NYAP2: variants seen among roughly 807,000 people sequenced by gnomAD.
NYAP2 encodes neuronal tyrosine-phosphorylated phosphoinositide-3-kinase adaptor 2, also known as neuronal tyrosine-phosphorylated phosphoinositide-3-kinase adapter 2.
A neutral mutation model predicts 50.4 loss-of-function variants in NYAP2; 23 were observed. The observed-to-expected ratio is 0.46, with a 90% confidence interval of 0.33 to 0.65. The LOEUF is 0.65. Among genes scored for constraint, NYAP2 ranks in the 30% least tolerant of loss-of-function variants. The pLI, the probability that NYAP2 is intolerant of heterozygous loss-of-function variation, is 0.02. For synonymous variants in NYAP2, 394 were observed against 365.2 expected, an observed-to-expected ratio of 1.08 and a Z score of -0.90; for missense variants, 885 against 861.0, an observed-to-expected ratio of 1.03 and a Z score of -0.35.
chr2:225,627,232 C>G, intron 6 of NYAP2, 106 bp downstream of exon 6: 3 of 817,306 alleles, frequency 3.7e-6, no homozygotes, highest in Non-Finnish European at 6.1e-6. Context: ...TCTGTCTGCA[C>G]ACAGAGAGGC....
At chr2:225,693,204 T>C in the NYAP2 span, among the ~76,000 whole-genome samples, 2 of 152,154 alleles carry the variant, frequency 1.3e-5, no homozygotes, top group Non-Finnish European at 2.9e-5. Flanking sequence ...TCATTGGGTT[T>C]CCTTACCCTT....
chr2:225,511,414 T>C (rs6716521), intron 3 of NYAP2, among the ~76,000 whole-genome samples: 33,558 of 139,342 alleles, frequency 0.24, 3,851 homozygotes, highest in Middle Eastern at 0.28. Context: ...ATAAAAACAC[T>C]GCACTGACTT....
At chr2:225,592,355 T>C (rs1692522135) in intron 5 of NYAP2, among the ~76,000 whole-genome samples, 1 of 152,144 alleles carries the variant, frequency 6.6e-6, no homozygotes, top group Admixed American at 6.5e-5. Context: ...ACCAAAGCAA[T>C]GAGCACCCTA....
the NYAP2 span, among the ~76,000 whole-genome samples, chr2:225,664,750 C>T: frequency 6.6e-6 from 1 of 152,040 alleles, no homozygotes; most frequent in Non-Finnish European, 1.5e-5. Flanking sequence ...GTGGCGGGCG[C>T]CTGTAGTTCC....
chr2:225,557,074 A>G (rs923671398), intron 4 of NYAP2, among the ~76,000 whole-genome samples: 4 of 152,212 alleles, frequency 2.6e-5, no homozygotes, highest in Admixed American at 6.5e-5. Context: ...AAATTTTTAG[A>G]TATAGAACAG....
the NYAP2 span, among the ~76,000 whole-genome samples, chr2:225,665,807 TAAAAAAAAAAAAA>T: frequency 0.013 from 273 of 21,008 alleles, 8 homozygotes; most frequent in African/African-American, 0.04. Context: ...AGCCTCCGTC[TAAAAAAAAAAAAA>T]AAAAAAAAAA....
chr2:225,628,315 G>GTTT (rs543647777), intron 6 of NYAP2, among the ~76,000 whole-genome samples: 173 of 109,412 alleles, frequency 1.6e-3, no homozygotes, highest in East Asian at 2.2e-3. Context: ...AGAACACATA[G>GTTT]TTTTTTTTTT....
chr2:225,512,146 C>T (rs1222568133), intron 3 of NYAP2, among the ~76,000 whole-genome samples: 1 of 152,042 alleles, frequency 6.6e-6, no homozygotes, highest in African/African-American at 2.4e-5. Flanking sequence ...TAGACAGAGG[C>T]CCAAGAGTCA....
chr2:225,620,429 A>G (rs1693074463), intron 5 of NYAP2, among the ~76,000 whole-genome samples: 1 of 30,742 alleles, frequency 3.3e-5, no homozygotes, highest in Non-Finnish European at 8.7e-5. Flanking sequence ...ACGCACACGC[A>G]CGCACACACG....
intron 3 of NYAP2, among the ~76,000 whole-genome samples, chr2:225,443,139 A>G (rs1167403505): frequency 6.6e-6 from 1 of 152,214 alleles, no homozygotes; most frequent in Non-Finnish European, 1.5e-5. Flanking sequence ...GGGAGCTACA[A>G]TTCAAGATGA....
intron 4 of NYAP2, among the ~76,000 whole-genome samples, chr2:225,518,838 G>T (rs138232162): frequency 6.6e-6 from 1 of 151,484 alleles, no homozygotes; most frequent in Non-Finnish European, 1.5e-5. Context: ...GGCCAACAAG[G>T]TGAAACCCCA....
rs1380178169 is a variant in NYAP2 at position 225,510,760 on chromosome 2, G to C, written c.222-2611G>C. Among the ~76,000 whole-genome samples, 3 of 150,790 alleles carry C rather than the reference G, an allele frequency of 2.0e-5. No homozygotes were observed. In the East Asian group the frequency reaches 5.8e-4, roughly 29 times the overall value. ...TTGAAGCATGCATTGAATTTCTCTT[G>C]AAAGAAATGTTAATGTGTTTGTGTG... On this transcript the variant is annotated intron_variant, in intron 3 of 6. Transcript: ENST00000636099.
intron 3 of NYAP2, among the ~76,000 whole-genome samples, chr2:225,495,239 A>C (rs940758680): frequency 6.6e-6 from 1 of 152,158 alleles, no homozygotes; most frequent in Middle Eastern, 3.2e-3. Context: ...AAAAACAAAA[A>C]CTTAACACTA....
intron 4 of NYAP2, among the ~76,000 whole-genome samples, chr2:225,514,500 C>A (rs960388491): frequency 2.0e-5 from 3 of 152,148 alleles, no homozygotes. Context: ...TCTGTTGGGG[C>A]CCACTTCCTG....
rs191854475 is a variant in NYAP2, at chr2:225,579,985, C to T, written c.524-1956C>T. 1.3e-4 allele frequency among the ~76,000 whole-genome samples: 20 copies of T among 152,340 alleles called. No homozygotes were observed. The East Asian group carries it at 1.7e-3, about 13-fold the overall frequency. ...TAATTTCTAGCCTTAGGTTAACCCT[C>T]CCTTCATAGAGCATCTCTCTCTTCA... is the stretch of plus-strand genomic sequence containing the variant. On this transcript the variant is annotated intron_variant, in intron 4 of 6. Transcript: ENST00000636099.
At position 225,446,299 on chromosome 2, in the gene NYAP2, A is replaced by C. The variant is rs151252436; in HGVS notation, c.221+37198A>C. 5.6e-3 allele frequency among the ~76,000 whole-genome samples: 816 copies of C among 146,118 alleles called. 10 individuals are homozygous for C. The highest frequency in any genetic ancestry group is 0.019 in the African/African-American group (761 of 39,854). ...ATATATATGTGGAATTAGGAAGCAG[A>C]AAATGAATATTAGCTGTTACTATTG... is the stretch of plus-strand genomic sequence containing the variant. On this transcript the variant is annotated intron_variant, in intron 3 of 6. Coordinates refer to ENST00000636099, the Ensembl canonical transcript of NYAP2.
Position 225,582,730 on chromosome 2 carries a change from C to A in NYAP2, c.1313C>A (p.Ser438Tyr). The A allele has an allele frequency of 6.2e-7, 1 of 1,612,182 alleles. No individual in the cohort carries two copies. Among genetic ancestry groups the A allele is most frequent in the Non-Finnish European group, 8.5e-7 (1 of 1,178,662 alleles). The change falls in exon 5 of 7, where the codon TCC becomes TAC. Residue 438 changes from serine (S) to tyrosine (Y), a missense_variant. Physicochemically the swap from Ser to Tyr is moderately radical, Grantham distance 144. Transcript: ENST00000636099. This position sits in a 1 kb window ranked among gnomAD's most constrained non-coding sequence, Gnocchi z 7.0. ...CCTAAAAGTCACTCCACCTCTCCCT[C>A]CCCCGTCAGCATGGGGAGGTCCCTG...
chr2:225,682,508 T>G, the NYAP2 span, among the ~76,000 whole-genome samples: 2 of 152,208 alleles, frequency 1.3e-5, no homozygotes, highest in Admixed American at 1.3e-4. Context: ...TTGATTTTAA[T>G]TTTTTCCCTT....
At chr2:225,674,839 A>G in the NYAP2 span, among the ~76,000 whole-genome samples, 1 of 152,226 alleles carries the variant, frequency 6.6e-6, no homozygotes, top group East Asian at 1.9e-4. Context: ...CAAAGGCATG[A>G]GGTCATCAGT....
Sources: allele counts gnomAD v4.1 joint callset (sites outside exome capture counted in the v4.1 genomes callset), GRCh38; gene constraint gnomAD v4.1.1; non-coding constraint Gnocchi (gnomAD v3.1); transcripts MANE v1.5; gene names NCBI Gene and HGNC (gene_info 2026-07-23, HGNC 2026-07-21).